B3GLCT: variants seen among roughly 807,000 people sequenced by gnomAD.
B3GLCT encodes beta 3-glucosyltransferase.
B3GLCT carries 65 observed loss-of-function variants against 63.4 expected under a neutral mutation model. The observed-to-expected ratio is 1.03, with a 90% CI of 0.84 to 1.26. B3GLCT has a LOEUF of 1.26. B3GLCT is among the 50% of genes most tolerant of loss of function. The pLI, the probability that B3GLCT is intolerant of heterozygous loss-of-function variation, is 0.00. For synonymous variants in B3GLCT, 233 were observed against 219.2 expected (o/e 1.06, Z -0.55); for missense variants, 577 against 604.8 (o/e 0.95, Z 0.48).
intron 12 of B3GLCT, among the ~76,000 whole-genome samples, chr13:31,309,319 A>G (rs924423235): frequency 6.6e-6 from 1 of 152,202 alleles, no homozygotes; most frequent in Non-Finnish European, 1.5e-5. Flanking sequence ...GTGACCCTGA[A>G]ATATGTGGGA....
At chr13:31,222,274 T>G (rs929471324) in intron 2 of B3GLCT, among the ~76,000 whole-genome samples, 2 of 151,946 alleles carry the variant, frequency 1.3e-5, no homozygotes, top group Non-Finnish European at 2.9e-5. Context: ...CGGTGGGGTT[T>G]TCCGTATTGG....
intron 12 of B3GLCT, among the ~76,000 whole-genome samples, chr13:31,315,378 C>T (rs1874944988): frequency 6.6e-6 from 1 of 152,162 alleles, no homozygotes; most frequent in African/African-American, 2.4e-5. Context: ...GCAAAGGTCA[C>T]TCTTGCTGCG....
intron 12 of B3GLCT, among the ~76,000 whole-genome samples, chr13:31,309,751 C>CT (rs1017418208): frequency 3.9e-5 from 6 of 152,124 alleles, no homozygotes; most frequent in African/African-American, 1.4e-4. Flanking sequence ...AAACCCTGTC[C>CT]TTTTGGGGTT....
intron 12 of B3GLCT, among the ~76,000 whole-genome samples, chr13:31,313,345 C>G (rs746425062): frequency 6.6e-5 from 10 of 152,276 alleles, no homozygotes; most frequent in Non-Finnish European, 1.2e-4. Flanking sequence ...AGCCTAGAGA[C>G]TTGTTGAATG....
intron 13 of B3GLCT, among the ~76,000 whole-genome samples, chr13:31,319,903 A>C (rs1593320015): frequency 6.6e-6 from 1 of 152,188 alleles, no homozygotes; most frequent in East Asian, 1.9e-4. Context: ...GGAGTCTGTG[A>C]GTCAGCTCTC....
At chr13:31,209,754 C>G (rs1232785052) in intron 1 of B3GLCT, among the ~76,000 whole-genome samples, 2 of 152,088 alleles carry the variant, frequency 1.3e-5, no homozygotes, top group African/African-American at 2.4e-5. Context: ...GAGCTGATGC[C>G]AAAAGTTTAG....
chr13:31,328,936 T>C (rs1015279656), intron 14 of B3GLCT, among the ~76,000 whole-genome samples: 3 of 152,056 alleles, frequency 2.0e-5, no homozygotes, highest in African/African-American at 7.2e-5. Flanking sequence ...CTTGCAATTC[T>C]CATTTACACC....
chr13:31,280,064 T>C (rs1278393131), intron 10 of B3GLCT, among the ~76,000 whole-genome samples: 2 of 152,164 alleles, frequency 1.3e-5, no homozygotes, highest in Non-Finnish European at 2.9e-5. Context: ...AGATTTCATA[T>C]TGTTTAAACA....
intron 14 of B3GLCT, among the ~76,000 whole-genome samples, chr13:31,324,796 G>C (rs540656834): frequency 6.6e-6 from 1 of 152,050 alleles, no homozygotes; most frequent in Non-Finnish European, 1.5e-5. Flanking sequence ...ACTTGATCTC[G>C]TGGGTTCAAA....
At chr13:31,280,516 C>G (rs968173536) in intron 10 of B3GLCT, among the ~76,000 whole-genome samples, 11 of 152,170 alleles carry the variant, frequency 7.2e-5, no homozygotes, top group Non-Finnish European at 1.5e-4. Context: ...TCCCCTGGCA[C>G]TGGGTGGTGA....
At chr13:31,230,585 G>A (rs763721643) in intron 4 of B3GLCT, among the ~76,000 whole-genome samples, 1 of 152,182 alleles carries the variant, frequency 6.6e-6, no homozygotes, top group Non-Finnish European at 1.5e-5. Context: ...ACTGTCTTGC[G>A]TCCCTGCAAG....
At chr13:31,242,063 G>A (rs888029347) in intron 4 of B3GLCT, among the ~76,000 whole-genome samples, 1 of 152,152 alleles carries the variant, frequency 6.6e-6, no homozygotes, top group Admixed American at 6.5e-5. Flanking sequence ...ATTAGTTGCT[G>A]TTATTCTTGC....
chr13:31,294,318 G>A (rs979612182), intron 12 of B3GLCT, among the ~76,000 whole-genome samples: 17 of 152,138 alleles, frequency 1.1e-4, no homozygotes, highest in African/African-American at 4.1e-4. Context: ...GAGTATCTTT[G>A]TGGTGTTCTC....
intron 2 of B3GLCT, among the ~76,000 whole-genome samples, chr13:31,221,302 T>G (rs1869801626): frequency 6.6e-6 from 1 of 152,208 alleles, no homozygotes; most frequent in Non-Finnish European, 1.5e-5. Flanking sequence ...GGGTTGCCAG[T>G]GGAGCCAAAT....
chr13:31,231,353 C>A (rs562419679), intron 4 of B3GLCT, among the ~76,000 whole-genome samples: 1 of 152,326 alleles, frequency 6.6e-6, no homozygotes, highest in East Asian at 1.9e-4. Context: ...TAAGAGCACA[C>A]TTTTCCCTAT....
intron 4 of B3GLCT, among the ~76,000 whole-genome samples, chr13:31,232,307 C>T (rs565508518): frequency 1.3e-4 from 20 of 152,284 alleles, no homozygotes; most frequent in Non-Finnish European, 2.5e-4. Context: ...GCTTATGGTT[C>T]CATAGGCTGT....
At chr13:31,320,736 AC>A (rs1386741447) in intron 13 of B3GLCT, among the ~76,000 whole-genome samples, 2 of 151,988 alleles carry the variant, frequency 1.3e-5, no homozygotes, top group Non-Finnish European at 2.9e-5. Flanking sequence ...ATCCATCTAC[AC>A]CCTTATCTTA....
In B3GLCT at chr13:31,285,837, G is replaced by A. The variant is rs543695796; in HGVS notation, c.965-883G>A. 1.8e-4 allele frequency among the ~76,000 whole-genome samples: 28 copies of A among 152,222 alleles called. No individual in the cohort carries two copies. The South Asian group carries it at 4.6e-3, about 25-fold the overall frequency. The stretch of plus-strand genomic sequence containing the variant: ...ATTTTAGATTGGGTTTAATAATCAT[G>A]TATTTACTTATACCTTATTTGATGT... On this transcript the variant is annotated intron_variant, in intron 11 of 14. Coordinates refer to ENST00000343307, the MANE Select transcript of B3GLCT (RefSeq NM_194318.4).
intron 4 of B3GLCT, among the ~76,000 whole-genome samples, chr13:31,234,213 G>T (rs552673640): frequency 1.1e-4 from 16 of 152,096 alleles, no homozygotes; most frequent in African/African-American, 3.9e-4. Flanking sequence ...GTAGAGACGG[G>T]GTTTCACCAT....
Sources: allele counts gnomAD v4.1 joint callset (sites outside exome capture counted in the v4.1 genomes callset), GRCh38; gene constraint gnomAD v4.1.1; transcripts MANE v1.5; gene names NCBI Gene and HGNC (gene_info 2026-07-23, HGNC 2026-07-21).